The following NUP153 variants were observed in gnomAD, a reference collection of about 807,000 sequenced individuals.
NUP153 encodes the protein nuclear pore complex protein Nup153.
NUP153 carries 27 observed loss-of-function variants against 134.6 expected under a neutral mutation model. The ratio of observed to expected loss-of-function variants is 0.20; its 90% CI spans 0.15 to 0.28. NUP153 has a LOEUF of 0.28. Ranked by LOEUF, NUP153 falls within the 10% of genes least tolerant of loss-of-function variation. The pLI is 1.00. For missense variants in NUP153, 1,821 were observed against 1,731.3 expected (o/e 1.05, Z -0.92); for synonymous variants, 640 against 623.5 (o/e 1.03, Z -0.40).
At position 17,624,664 on chromosome 6, in the gene NUP153, A is replaced by G. The variant is rs1764830003; in HGVS notation, c.4071T>C (p.Pro1357=). 1.2e-6 allele frequency: 2 copies of G among 1,614,206 alleles called. No individual in the cohort carries two copies. The highest frequency in any genetic ancestry group is 8.5e-7 in the Non-Finnish European group (1 of 1,180,038). The change falls in exon 20 of 22, where the codon CCT becomes CCC. Residue 1357 remains proline, a synonymous_variant. Coordinates refer to ENST00000262077, the MANE Select transcript of NUP153 (RefSeq NM_005124.4). ...ACACTGTCCCAAAAGTAGGTGGTGC[A>G]GGCTGAGAACCAGTGGGAAATAATG... is the stretch of plus-strand genomic sequence containing the variant. ...STALFPTGSQ[P]APPTFGTVSS...
intron 1 of NUP153, among the ~76,000 whole-genome samples, chr6:17,697,894 C>A (rs1159251326): frequency 6.6e-6 from 1 of 152,192 alleles, no homozygotes; most frequent in Non-Finnish European, 1.5e-5. Flanking sequence ...CAGGAATAAC[C>A]AGAGGCATCT....
chr6:17,630,737 A>G (rs1581672473), intron 17 of NUP153, among the ~76,000 whole-genome samples: 2 of 88,846 alleles, frequency 2.3e-5, no homozygotes, highest in African/African-American at 8.7e-5. Context: ...AAGAGGGGAG[A>G]GGGGAGGGGA....
In NUP153 at chr6:17,637,368, G is replaced by C. The variant is rs775537312; in HGVS notation, c.2249C>G (p.Pro750Arg). 8 of 1,614,188 alleles carry C rather than the reference G, an allele frequency of 5.0e-6. No individual in the cohort carries two copies. Among genetic ancestry groups the C allele is most frequent in the Non-Finnish European group, 6.8e-6 (8 of 1,180,044 alleles). ...AAGGGCTCGCTTCACACAAGTTCCA[G>C]GTTTCGGTGTTTCACAGGCTACACA... ...IKCVACETPKPGTCVKRALTL... is the reference protein window; with the variant it reads ...IKCVACETPKRGTCVKRALTL... Residue 750 changes from proline to arginine, a missense_variant, in exon 16 of 22, where the codon CCT (proline) becomes CGT (arginine). Transcript: ENST00000262077.
At position 17,624,706 on chromosome 6, in the gene NUP153, A is replaced by G. The variant is rs759609606; in HGVS notation, c.4029T>C (p.Ser1343=). Residue 1343 remains serine (S), a synonymous_variant, in exon 20 of 22, where the codon TCT becomes TCC. Transcript: ENST00000262077. ...GAAATAATGCTGTGGAAGATGATAT[A>G]GATCCAAAGCCTGGGGGATTGGGCT... ...ASQPNPPGFG[S]ISSSTALFPT... is the part of the protein sequence containing the mutation. 3.1e-6 allele frequency: 5 copies of G among 1,614,118 alleles called. No homozygotes were observed. Among genetic ancestry groups the G allele is most frequent in the Non-Finnish European group, 4.2e-6 (5 of 1,180,046 alleles).
rs992111115 is a variant in NUP153, at chr6:17,638,362, T to C, written c.1847-592A>G. On this transcript the variant is annotated intron_variant, in intron 15 of 21. Transcript: ENST00000262077. The surrounding 1 kb of genome is among the most constrained non-coding windows in gnomAD (Gnocchi z 4.0). Reference sequence around the variant, plus strand: ...TTGTTTACTTAGGACCAGTTAACTTTTGTCTTACACACAACACCACCATCT... The same window carrying C: ...TTGTTTACTTAGGACCAGTTAACTTCTGTCTTACACACAACACCACCATCT... 6.6e-5 allele frequency among the ~76,000 whole-genome samples: 10 copies of C among 152,222 alleles called. No homozygotes were observed. Among genetic ancestry groups the C allele is most frequent in the South Asian group, 2.1e-4 (1 of 4,832 alleles).
At chr6:17,657,159 C>G (rs1362698088) in intron 11 of NUP153, among the ~76,000 whole-genome samples, 1 of 152,024 alleles carries the variant, frequency 6.6e-6, no homozygotes, top group Non-Finnish European at 1.5e-5. Context: ...TTTTGGCTGT[C>G]TTGCAGATAC....
At chr6:17,619,191 G>A (rs1203445251) in intron 20 of NUP153, among the ~76,000 whole-genome samples, 8 of 152,156 alleles carry the variant, frequency 5.3e-5, no homozygotes. Flanking sequence ...AGTCTACAAT[G>A]GAGAAATGCT....
chr6:17,615,962 A>G lies in NUP153; in HGVS notation c.*135T>C, dbSNP rs1764291698. On this transcript the variant is annotated 3_prime_UTR_variant, in exon 22 of 22. Coordinates refer to ENST00000262077, the MANE Select transcript of NUP153 (RefSeq NM_005124.4). This position sits in a 1 kb window ranked among gnomAD's most constrained non-coding sequence, Gnocchi z 5.7. Reference sequence around the variant, plus strand: ...GGTGGGGCTTCTGTAACGAAAGAGAAAGGAGGAAAATTCCAAAATTAAAGA... The same window carrying G: ...GGTGGGGCTTCTGTAACGAAAGAGAGAGGAGGAAAATTCCAAAATTAAAGA... The G allele has an allele frequency of 6.9e-6, 4 of 577,066 alleles. No homozygotes were observed. The highest frequency in any genetic ancestry group is 6.0e-5 in the Admixed American group (2 of 33,484). The allele number at this position is 577,066 out of a possible 1,614,324, so 35.7% of individuals were successfully genotyped here. A position where few individuals can be genotyped will look rare whatever the true frequency, so the allele number is the denominator to read the frequency against.
chr6:17,698,171 GA>G (rs1371538263), intron 1 of NUP153, among the ~76,000 whole-genome samples: 1 of 152,200 alleles, frequency 6.6e-6, no homozygotes, highest in African/African-American at 2.4e-5. Flanking sequence ...TCTTCAGCTA[GA>G]AAAGTACTTT....
intron 5 of NUP153, 59 bp downstream of exon 5, chr6:17,674,846 C>A: frequency 5.7e-6 from 7 of 1,233,678 alleles, no homozygotes; most frequent in Admixed American, 2.6e-5. Flanking sequence ...ATTTATTATC[C>A]AGTTAAAGTG....
rs534180223 is a variant in NUP153, at chr6:17,675,156, A to G, written c.723+73T>C. On this transcript the variant is annotated intron_variant, in intron 4 of 21. Coordinates refer to ENST00000262077, the MANE Select transcript of NUP153 (RefSeq NM_005124.4). This position sits in a 1 kb window ranked among gnomAD's most constrained non-coding sequence, Gnocchi z 4.4. ...CAACAGCAAAAGACTCTTGTCTCAG[A>G]AAAAAAAAAAAAAATTATAAGCAAT... The G allele has an allele frequency of 1.3e-3, 535 of 403,816 alleles. No homozygotes were observed. Among genetic ancestry groups the G allele is most frequent in the African/African-American group, 0.011 (457 of 43,038 alleles). The allele number at this position is 403,816 out of a possible 1,614,324, so 25.0% of individuals were successfully genotyped here.
Position 17,624,839 on chromosome 6 carries a change from G to A in NUP153, c.3902-6C>T, listed in dbSNP as rs757137188. ...TCCAAATACAAAGGAGGATCCTGGA[G>A]GCCCAAAGAAACACTTAAGTCACCA... On this transcript the variant is annotated splice_polypyrimidine_tract_variant and splice_region_variant and intron_variant, in intron 19 of 21. Transcript: ENST00000262077. The A allele has an allele frequency of 6.2e-5, 98 of 1,579,070 alleles. No individual in the cohort carries two copies. The highest frequency in any genetic ancestry group is 7.8e-5 in the Non-Finnish European group (91 of 1,160,216).
intron 1 of NUP153, among the ~76,000 whole-genome samples, chr6:17,704,988 C>T (rs750421622): frequency 1.1e-4 from 17 of 152,192 alleles, no homozygotes; most frequent in Non-Finnish European, 2.1e-4. Flanking sequence ...GATCTCCTGA[C>T]CTCGGTGATC....
intron 20 of NUP153, among the ~76,000 whole-genome samples, chr6:17,617,713 C>T (rs1177036029): frequency 3.3e-5 from 5 of 151,928 alleles, no homozygotes; most frequent in African/African-American, 1.2e-4. Context: ...GGCGTAGTGG[C>T]GTGCACCTGT....
In NUP153 at chr6:17,625,842, G is replaced by A. The variant is rs199710735; in HGVS notation, c.3867C>T (p.Phe1289=). 4.7e-4 allele frequency: 753 copies of A among 1,614,042 alleles called. 10 individuals are homozygous for A. In the East Asian group the frequency reaches 0.016, roughly 34 times the overall value. ...ASSNNTTTSG[F]GFGATTTSSS... is the part of the protein sequence containing the mutation. ...TAGATGTGGTTGTGGCTCCAAAGCCGAAACCAGAGGTGGTAGTATTATTAC... is the reference window on the plus strand; with the variant it reads ...TAGATGTGGTTGTGGCTCCAAAGCCAAAACCAGAGGTGGTAGTATTATTAC... Residue 1289 remains phenylalanine, a synonymous_variant, in exon 19 of 22, where the codon TTC becomes TTT. Coordinates refer to ENST00000262077, the MANE Select transcript of NUP153 (RefSeq NM_005124.4). The surrounding 1 kb of genome is among the most constrained non-coding windows in gnomAD (Gnocchi z 4.7).
At chr6:17,644,666 G>T (rs1213458154) in intron 14 of NUP153, among the ~76,000 whole-genome samples, 9 of 152,196 alleles carry the variant, frequency 5.9e-5, no homozygotes, top group African/African-American at 2.2e-4. Flanking sequence ...AATTCGGCCA[G>T]GCACAGTGGC....
chr6:17,626,255 T>G (rs1764943372), intron 18 of NUP153, 91 bp from the exon 19 acceptor site: 2 of 910,768 alleles, frequency 2.2e-6, no homozygotes, highest in Non-Finnish European at 3.4e-6. Context: ...AGAATTTTCC[T>G]ACCCTAGAAT....
chr6:17,639,523 T>C (rs1338065819), intron 15 of NUP153, among the ~76,000 whole-genome samples: 1 of 152,218 alleles, frequency 6.6e-6, no homozygotes, highest in African/African-American at 2.4e-5. Context: ...TTCAAGTGAG[T>C]ACTGCTCCCT....
At chr6:17,700,918 T>A (rs1295404522) in intron 1 of NUP153, among the ~76,000 whole-genome samples, 3 of 152,154 alleles carry the variant, frequency 2.0e-5, no homozygotes, top group Non-Finnish European at 4.4e-5. Flanking sequence ...GATAAAGAGG[T>A]TTCCTTCCCC....
Sources: gnomAD v4.1 joint callset for allele counts (sites outside exome capture counted in the v4.1 genomes callset) on GRCh38, gnomAD v4.1.1 for gene constraint, Gnocchi (gnomAD v3.1) non-coding constraint, MANE v1.5 for transcripts, NCBI Gene and HGNC (gene_info 2026-07-23, HGNC 2026-07-21) for gene names.